Variants in FAT4 observed in about 807,000 individuals in gnomAD.
FAT4 encodes protocadherin Fat 4.
Under a neutral mutation model 303.9 loss-of-function variants are expected in FAT4, and 84 were observed. That is an observed-to-expected ratio of 0.28 (90% CI 0.23 to 0.33). FAT4 has a LOEUF of 0.33. Among genes scored for constraint, FAT4 ranks in the 10% least tolerant of loss-of-function variants. The pLI, the probability that FAT4 is intolerant of heterozygous loss-of-function variation, is 1.00. For synonymous variants in FAT4, 2,307 were observed against 2,298.8 expected, an observed-to-expected ratio of 1.00 and a Z score of -0.10; for missense variants, 6,005 against 6,146.8, an observed-to-expected ratio of 0.98 and a Z score of 0.77.
intron 2 of FAT4, among the ~76,000 whole-genome samples, chr4:125,362,244 T>C (rs992212093): frequency 1.3e-5 from 2 of 152,162 alleles, no homozygotes; most frequent in Admixed American, 1.3e-4. Context: ...TTTTTTCCTT[T>C]CTCAACTTTT....
Position 125,491,120 on chromosome 4 carries a change from A to G in FAT4, c.14304A>G (p.Pro4768=), listed in dbSNP as rs1217156870. ...PQAMASHGSR[P]GSRLKQPIGQ... is the part of the protein sequence containing the mutation. The stretch of plus-strand genomic sequence containing the variant: ...CCATGGCATCACATGGTTCTAGACC[A>G]GGGAGTCGCCTAAAGCAGCCGATTG... Residue 4768 remains proline (P), a synonymous_variant, in exon 18 of 18, where the codon CCA becomes CCG. Transcript: ENST00000394329. 1.9e-6 allele frequency: 3 copies of G among 1,614,048 alleles called. No individual in the cohort carries two copies. The highest frequency in any genetic ancestry group is 2.5e-6 in the Non-Finnish European group (3 of 1,180,026).
chr4:125,409,086 A>G (rs1560804738), intron 5 of FAT4, among the ~76,000 whole-genome samples: 1 of 151,888 alleles, frequency 6.6e-6, no homozygotes, highest in African/African-American at 2.4e-5. Flanking sequence ...AAGTCATAAG[A>G]CCACTTTTTT....
rs760757335 is a variant in FAT4 at position 125,452,758 on chromosome 4, C to T, written c.11748C>T (p.Ile3916=). The T allele has an allele frequency of 1.8e-5, 29 of 1,613,794 alleles. No individual in the cohort carries two copies. The highest frequency in any genetic ancestry group is 2.1e-5 in the Non-Finnish European group (25 of 1,179,924). ...CLQSPCKNGA[I]CQNFPGSFNC... ...AGAGTCCTTGCAAGAATGGTGCCAT[C>T]TGCCAGAATTTTCCAGGAAGCTTCA... The change falls in exon 10 of 18, where the codon ATC becomes ATT. Residue 3916 remains isoleucine (I), a synonymous_variant. Transcript: ENST00000394329.
intron 2 of FAT4, among the ~76,000 whole-genome samples, chr4:125,344,104 A>C (rs1202554517): frequency 6.6e-6 from 1 of 152,196 alleles, no homozygotes; most frequent in African/African-American, 2.4e-5. Context: ...GAATGCAAAA[A>C]GTTGCTGATG....
At position 125,321,098 on chromosome 4, in the gene FAT4, A is replaced by G; in HGVS notation, c.4687A>G (p.Ile1563Val). 6.2e-7 allele frequency: 1 copy of G among 1,614,196 alleles called. No individual in the cohort carries two copies. Among genetic ancestry groups the G allele is most frequent in the Non-Finnish European group, 8.5e-7 (1 of 1,180,018 alleles). Residue 1563 changes from isoleucine (I) to valine (V), a missense_variant, in exon 2 of 18, where the codon ATA (isoleucine) becomes GTA (valine). Ile to Val is a conservative substitution (Grantham distance 29, BLOSUM62 3). Transcript: ENST00000394329. ...ADPDEGANGEIEYEIINGDTD... is the reference protein window; with the variant it reads ...ADPDEGANGEVEYEIINGDTD... ...CCCAGATGAAGGTGCTAATGGAGAA[A>G]TAGAGTATGAGATCATCAATGGGGA...
chr4:125,464,488 C>CT (rs35860222), intron 11 of FAT4, among the ~76,000 whole-genome samples: 37,519 of 142,144 alleles, frequency 0.26, 4,930 homozygotes, highest in East Asian at 0.47. Flanking sequence ...TGTCTCTTTT[C>CT]TTTTTTTTTT....
rs78956799 is a variant in FAT4 at position 125,343,208 on chromosome 4, G to A, written c.5175+21622G>A. On this transcript the variant is annotated intron_variant, in intron 2 of 17. Coordinates refer to ENST00000394329, the MANE Select transcript of FAT4 (RefSeq NM_001291303.3). ...TATTGAGTTCTCTGAATCTGCTCTT[G>A]TCCATAAAGATAGCTTATTCTCCTT... Among the ~76,000 whole-genome samples, 663 of 152,082 alleles carry A rather than the reference G, an allele frequency of 4.4e-3. 5 individuals are homozygous for A. Among genetic ancestry groups the A allele is most frequent in the African/African-American group, 0.015 (631 of 41,474 alleles).
At chr4:125,365,614 AT>A (rs1732849876) in intron 2 of FAT4, among the ~76,000 whole-genome samples, 1 of 152,210 alleles carries the variant, frequency 6.6e-6, no homozygotes, top group African/African-American at 2.4e-5. Flanking sequence ...TTCATAGACT[AT>A]TGCAGTAAGC....
At chr4:125,391,972 G>C (rs1422602735) in intron 2 of FAT4, among the ~76,000 whole-genome samples, 2 of 152,068 alleles carry the variant, frequency 1.3e-5, no homozygotes, top group Non-Finnish European at 2.9e-5. Flanking sequence ...GCTAGACATG[G>C]ATAAGTTGTC....
chr4:125,482,996 G>A (rs200324937), intron 16 of FAT4, among the ~76,000 whole-genome samples: 2 of 152,314 alleles, frequency 1.3e-5, no homozygotes, highest in East Asian at 1.9e-4. Flanking sequence ...TAGGAGTTGG[G>A]AGAGTACTTC....
Position 125,451,130 on chromosome 4 carries a change from A to C in FAT4, c.10120A>C (p.Lys3374Gln). 1 of 1,614,120 alleles carries C rather than the reference A, an allele frequency of 6.2e-7. No homozygotes were observed. Among genetic ancestry groups the C allele is most frequent in the Non-Finnish European group, 8.5e-7 (1 of 1,180,006 alleles). The change falls in exon 10 of 18, where the codon AAG becomes CAG. Residue 3374 changes from lysine to glutamine, a missense_variant. By Grantham distance (53) the Lys-to-Gln change is moderately conservative. Transcript: ENST00000394329. ...AGAAAAAGAAGAAAGGGTGTCTTTG[A>C]AGGTATTGGCCAAGAACTTTGGCAG... ...DREKEERVSL[K>Q]VLAKNFGSIR...
chr4:125,489,364 T>C (rs1172854565), intron 17 of FAT4, among the ~76,000 whole-genome samples: 3 of 152,202 alleles, frequency 2.0e-5, no homozygotes, highest in African/African-American at 7.2e-5. Context: ...TGTTTTTATC[T>C]GCCTTTTAGA....
In FAT4 at chr4:125,490,070, T is replaced by G. The variant is rs1727561886; in HGVS notation, c.13254T>G (p.Ile4418Met). Residue 4418 changes from isoleucine to methionine, a missense_variant, in exon 18 of 18, where the codon ATT (isoleucine) becomes ATG (methionine). Physicochemically the swap from Ile to Met is conservative, Grantham distance 10. Coordinates refer to ENST00000394329, the MANE Select transcript of FAT4 (RefSeq NM_001291303.3). ...CCTGCTGGGGTGATTTGCTGTGCAT[T>G]AATCAGTGGTATGCCTACAGGTGTG... Reference protein sequence around the residue: ...SNPCWGDLLCINQWYAYRCVP... With the variant: ...SNPCWGDLLCMNQWYAYRCVP... 1.9e-6 allele frequency: 3 copies of G among 1,614,034 alleles called. No individual in the cohort carries two copies. Among genetic ancestry groups the G allele is most frequent in the Middle Eastern group, 1.6e-4 (1 of 6,062 alleles).
intron 16 of FAT4, among the ~76,000 whole-genome samples, chr4:125,482,576 TCTA>T (rs1408872447): frequency 6.6e-6 from 1 of 152,106 alleles, no homozygotes; most frequent in Non-Finnish European, 1.5e-5. Flanking sequence ...TTTGTATCAT[TCTA>T]CTGATAATTT....
intron 2 of FAT4, among the ~76,000 whole-genome samples, chr4:125,388,037 C>T (rs923773207): frequency 6.6e-6 from 1 of 152,190 alleles, no homozygotes; most frequent in African/African-American, 2.4e-5. Flanking sequence ...AACCTTCCAG[C>T]TGAGATTCCT....
chr4:125,458,420 T>C (rs1726362600), intron 10 of FAT4, among the ~76,000 whole-genome samples: 1 of 151,948 alleles, frequency 6.6e-6, no homozygotes, highest in Admixed American at 6.6e-5. Flanking sequence ...CGGTCATGTA[T>C]TGGTGTTGTT....
intron 2 of FAT4, among the ~76,000 whole-genome samples, chr4:125,392,248 A>G (rs185816705): frequency 3.5e-4 from 54 of 152,278 alleles, no homozygotes; most frequent in Non-Finnish European, 1.5e-5. Flanking sequence ...CATTATTTTT[A>G]GTGCAAAGTT....
chr4:125,318,211 A>G lies in FAT4; in HGVS notation c.1800A>G (p.Thr600=). Residue 600 remains threonine (T), a synonymous_variant, in exon 2 of 18, where the codon ACA becomes ACG. Transcript: ENST00000394329. ...TGGTTGAGAATGCCCCAACAGGGAC[A>G]GAACTGTTGATGCTCAGGGCAACTG... ...VSVVENAPTG[T]ELLMLRATDG... The G allele has an allele frequency of 6.2e-7, 1 of 1,614,230 alleles. No homozygotes were observed. Among genetic ancestry groups the G allele is most frequent in the Non-Finnish European group, 8.5e-7 (1 of 1,180,040 alleles).
chr4:125,426,663 C>T lies in FAT4; in HGVS notation c.7019-7582C>T, dbSNP rs1447605758. Among the ~76,000 whole-genome samples, 5 of 152,058 alleles carry T rather than the reference C, an allele frequency of 3.3e-5. No individual in the cohort carries two copies. In the South Asian group the frequency reaches 6.2e-4, roughly 19 times the overall value. Reference sequence around the variant, plus strand: ...TTTTCTTAAGATAAAACTCCAGAAACATTTAATTTCCAAAATTCCATTGAA... The same window carrying T: ...TTTTCTTAAGATAAAACTCCAGAAATATTTAATTTCCAAAATTCCATTGAA... On this transcript the variant is annotated intron_variant, in intron 7 of 17. Transcript: ENST00000394329.
Sources: gnomAD v4.1 joint callset for allele counts (sites outside exome capture counted in the v4.1 genomes callset) on GRCh38, gnomAD v4.1.1 for gene constraint, MANE v1.5 for transcripts, NCBI Gene and HGNC (gene_info 2026-07-23, HGNC 2026-07-21) for gene names.